CADPS2: variants seen among roughly 807,000 people sequenced by gnomAD.
CADPS2 encodes calcium-dependent secretion activator 2.
In CADPS2, 93 loss-of-function variants were observed where a neutral mutation model predicts 172.5. That is an observed-to-expected ratio of 0.54 (90% CI 0.46 to 0.64). The LOEUF (loss-of-function observed/expected upper bound fraction) is 0.64. Among genes scored for constraint, CADPS2 ranks in the 30% least tolerant of loss-of-function variants. The pLI is 0.00. For missense variants in CADPS2, 1,420 were observed against 1,565.9 expected, an observed-to-expected ratio of 0.91 and a Z score of 1.57; for synonymous variants, 546 against 555.2, an observed-to-expected ratio of 0.98 and a Z score of 0.23.
At chr7:122,409,341 A>C (rs1307555033) in intron 19 of CADPS2, among the ~76,000 whole-genome samples, 1 of 152,232 alleles carries the variant, frequency 6.6e-6, no homozygotes, top group Non-Finnish European at 1.5e-5. Flanking sequence ...CAAAAGGTTA[A>C]AATTAAGAAA....
At chr7:122,356,832 T>C (rs2039468127) in intron 27 of CADPS2, among the ~76,000 whole-genome samples, 2 of 152,204 alleles carry the variant, frequency 1.3e-5, no homozygotes, top group Admixed American at 6.5e-5. Flanking sequence ...TTTGTGTTTT[T>C]TGTGAACATC....
At chr7:122,582,714 T>A (rs1007238627) in intron 6 of CADPS2, among the ~76,000 whole-genome samples, 5 of 152,074 alleles carry the variant, frequency 3.3e-5, no homozygotes, top group African/African-American at 7.2e-5. Context: ...CTAATTCTCA[T>A]GACATACCCT....
intron 14 of CADPS2, among the ~76,000 whole-genome samples, chr7:122,455,594 T>C (rs761373183): frequency 1.3e-5 from 2 of 152,124 alleles, no homozygotes; most frequent in African/African-American, 2.4e-5. Flanking sequence ...ATGAGTAATA[T>C]ATGCAATATA....
intron 27 of CADPS2, among the ~76,000 whole-genome samples, chr7:122,347,732 TG>T (rs1384898826): frequency 1.3e-5 from 2 of 152,206 alleles, no homozygotes; most frequent in Non-Finnish European, 2.9e-5. Flanking sequence ...AAAGCTAGAC[TG>T]TTTTCTTCTT....
intron 2 of CADPS2, among the ~76,000 whole-genome samples, chr7:122,690,279 C>G (rs1475482041): frequency 2.0e-5 from 3 of 152,194 alleles, no homozygotes; most frequent in African/African-American, 7.2e-5. Context: ...GGTGATGATG[C>G]TACACCTCAT....
chr7:122,565,962 G>A (rs534468125), intron 7 of CADPS2, among the ~76,000 whole-genome samples: 1 of 151,966 alleles, frequency 6.6e-6, no homozygotes. Context: ...TATGACCCTG[G>A]TAACCACCAT....
intron 3 of CADPS2, among the ~76,000 whole-genome samples, chr7:122,640,305 C>T (rs2077473339): frequency 6.6e-6 from 1 of 152,182 alleles, no homozygotes; most frequent in Non-Finnish European, 1.5e-5. Flanking sequence ...TCTGCACCCC[C>T]TCTCTTTCTT....
At chr7:122,596,380 T>G (rs1283301429) in intron 6 of CADPS2, among the ~76,000 whole-genome samples, 1 of 152,130 alleles carries the variant, frequency 6.6e-6, no homozygotes, top group East Asian at 1.9e-4. Flanking sequence ...AATGACACTT[T>G]GTGTTAATTC....
At chr7:122,775,050 C>T (rs1396789648) in intron 1 of CADPS2, among the ~76,000 whole-genome samples, 1 of 152,028 alleles carries the variant, frequency 6.6e-6, no homozygotes, top group African/African-American at 2.4e-5. Flanking sequence ...AATTAACCTA[C>T]TTCTAGAAGT....
At chr7:122,720,423 T>C (rs773430481) in intron 2 of CADPS2, among the ~76,000 whole-genome samples, 1 of 149,564 alleles carries the variant, frequency 6.7e-6, no homozygotes, top group Non-Finnish European at 1.5e-5. Flanking sequence ...GAGGTTTGTA[T>C]ATATATATAC....
chr7:122,773,728 C>A (rs1048128254), intron 1 of CADPS2, among the ~76,000 whole-genome samples: 1 of 152,050 alleles, frequency 6.6e-6, no homozygotes, highest in African/African-American at 2.4e-5. Flanking sequence ...ATAAAAAGTA[C>A]CTTTTTAAAA....
chr7:122,631,274 T>G (rs898195496), intron 3 of CADPS2, among the ~76,000 whole-genome samples: 1 of 152,182 alleles, frequency 6.6e-6, no homozygotes, highest in Non-Finnish European at 1.5e-5. Context: ...CAACAAAAAA[T>G]AGCATTTAAT....
chr7:122,396,228 C>A (rs2045107236), intron 20 of CADPS2, among the ~76,000 whole-genome samples: 1 of 152,092 alleles, frequency 6.6e-6, no homozygotes, highest in South Asian at 2.1e-4. Context: ...TCCTTGTTAA[C>A]CTCTATAAAA....
intron 2 of CADPS2, among the ~76,000 whole-genome samples, chr7:122,668,416 A>C (rs909619029): frequency 2.0e-5 from 3 of 151,816 alleles, no homozygotes; most frequent in African/African-American, 7.3e-5. Flanking sequence ...AAAAAAAAAA[A>C]AACAAAAACA....
At chr7:122,736,834 T>C (rs898781003) in intron 2 of CADPS2, 121 bp downstream of exon 2, 6 of 578,356 alleles carry the variant, frequency 1.0e-5, no homozygotes, top group African/African-American at 5.7e-5. Flanking sequence ...TTCAAAAAGG[T>C]TGCAAATTCA....
At chr7:122,696,872 C>CA (rs1450610772) in intron 2 of CADPS2, among the ~76,000 whole-genome samples, 1 of 152,040 alleles carries the variant, frequency 6.6e-6, no homozygotes, top group African/African-American at 2.4e-5. Flanking sequence ...TTCATTCATT[C>CA]AAAAATACTC....
At chr7:122,781,065 ATTAT>A (rs1792579459) in intron 1 of CADPS2, among the ~76,000 whole-genome samples, 2 of 152,218 alleles carry the variant, frequency 1.3e-5, no homozygotes, top group Non-Finnish European at 2.9e-5. Flanking sequence ...CACACTCATG[ATTAT>A]TAATTAATAC....
At chr7:122,762,298 A>G (rs2093415650) in intron 1 of CADPS2, among the ~76,000 whole-genome samples, 1 of 152,084 alleles carries the variant, frequency 6.6e-6, no homozygotes, top group African/African-American at 2.4e-5. Flanking sequence ...GGAATTCCAG[A>G]AAGAGAGAAG....
At chr7:122,521,079 G>GA (rs906906731) in intron 8 of CADPS2, among the ~76,000 whole-genome samples, 40 of 150,928 alleles carry the variant, frequency 2.7e-4, no homozygotes, top group African/African-American at 3.4e-4. Flanking sequence ...AATACAGAAA[G>GA]AAAAAAAAAT....
Sources: allele counts gnomAD v4.1 joint callset (sites outside exome capture counted in the v4.1 genomes callset), GRCh38; gene constraint gnomAD v4.1.1; transcripts MANE v1.5; gene names NCBI Gene and HGNC (gene_info 2026-07-23, HGNC 2026-07-21).